The following AKAP13 variants were observed in gnomAD, a reference collection of about 807,000 sequenced individuals.
AKAP13 encodes the protein A-kinase anchoring protein 13.
In AKAP13, 80 loss-of-function variants were observed where a neutral mutation model predicts 264.5. That is an observed-to-expected ratio of 0.30 (90% CI 0.25 to 0.36). The LOEUF (loss-of-function observed/expected upper bound fraction) is 0.36, where lower values mean the gene tolerates loss of function less well. Among genes scored for constraint, AKAP13 ranks in the 10% least tolerant of loss-of-function variants. The pLI, the probability that AKAP13 is intolerant of heterozygous loss-of-function variation, is 1.00. For missense variants in AKAP13, 3,712 were observed against 3,435.2 expected (o/e 1.08, Z -2.01); for synonymous variants, 1,380 against 1,250.2 (o/e 1.10, Z -2.19).
Position 85,730,652 on chromosome 15 carries a change from C to T in AKAP13, c.7227C>T (p.Ser2409=). The T allele has an allele frequency of 6.2e-7, 1 of 1,614,110 alleles. No homozygotes were observed. Among genetic ancestry groups the T allele is most frequent in the Middle Eastern group, 1.6e-4 (1 of 6,062 alleles). The change falls in exon 30 of 37, where the codon TCC becomes TCT. Residue 2409 remains serine (S), a synonymous_variant. Coordinates refer to ENST00000394518, the MANE Select transcript of AKAP13 (RefSeq NM_007200.5). ...ATAGCCCTAGAGTTCTCTTCCGCTC[C>T]AACACAGAAGAGGCTCTCAAAGGAG... ...PTHSPRVLFR[S]NTEEALKGGP... is the part of the protein sequence containing the mutation.
rs373881443 is a variant in AKAP13 at position 85,735,580 on chromosome 15, G to A, written c.7462G>A (p.Asp2488Asn). The change falls in exon 32 of 37, where the codon GAT (aspartate) becomes AAT (asparagine). Residue 2488 changes from aspartate to asparagine, a missense_variant. By Grantham distance (23) the Asp-to-Asn change is conservative. Coordinates refer to ENST00000394518, the MANE Select transcript of AKAP13 (RefSeq NM_007200.5). ...TTTAGGAGGCGAGAAGGAAGAGGGA[G>A]ATGATGGCCAAGATCTTAGGAGAAC... is the stretch of plus-strand genomic sequence containing the variant. ...ASKGGEKEEG[D>N]DGQDLRRTES... 3 of 1,612,262 alleles carry A rather than the reference G, an allele frequency of 1.9e-6. No individual in the cohort carries two copies. In the African/African-American group the frequency reaches 4.0e-5, roughly 22 times the overall value.
chr15:85,578,803 C>A, intron 6 of AKAP13, 127 bp from the exon 7 acceptor site: 1 of 824,366 alleles, frequency 1.2e-6, no homozygotes, highest in Non-Finnish European at 1.9e-6. Flanking sequence ...TTTAGATTCG[C>A]TTATCATGTG....
At chr15:85,430,077 T>G (rs1299084231) in intron 1 of AKAP13, among the ~76,000 whole-genome samples, 2 of 152,252 alleles carry the variant, frequency 1.3e-5, no homozygotes, top group Non-Finnish European at 1.5e-5. Flanking sequence ...GTAGCCTTCA[T>G]TTATTTGCAT....
chr15:85,527,054 A>G (rs1018181358), intron 3 of AKAP13, among the ~76,000 whole-genome samples: 4 of 151,098 alleles, frequency 2.6e-5, no homozygotes, highest in African/African-American at 9.8e-5. Flanking sequence ...TCCTGGGTTC[A>G]GGCCATTCTC....
In AKAP13 at chr15:85,650,786, A is replaced by C. The variant is rs1007631738; in HGVS notation, c.4375-4631A>C. On this transcript the variant is annotated intron_variant, in intron 10 of 36. Transcript: ENST00000394518. The stretch of plus-strand genomic sequence containing the variant: ...AAAAAAAAAAAAAAAAAAAAAAAAA[A>C]AAAACAACAAAAACTGCAATTGCCT... Among the ~76,000 whole-genome samples the C allele has an allele frequency of 9.1e-5, 12 of 132,546 alleles. 1 individual carries two copies. Among genetic ancestry groups the C allele is most frequent in the African/African-American group, 2.5e-4 (9 of 35,512 alleles). 87.0% of individuals were successfully genotyped at this position (132,546 alleles called of 152,430 possible).
chr15:85,699,303 G>A (rs2085762636), intron 17 of AKAP13, among the ~76,000 whole-genome samples: 1 of 151,888 alleles, frequency 6.6e-6, no homozygotes, highest in African/African-American at 2.4e-5. Flanking sequence ...AATTAGCTGG[G>A]CGTGGTGGTG....
At chr15:85,634,325 C>T (rs1361985948) in intron 8 of AKAP13, among the ~76,000 whole-genome samples, 1 of 152,196 alleles carries the variant, frequency 6.6e-6, no homozygotes, top group Non-Finnish European at 1.5e-5. Context: ...AAGATTCTCA[C>T]TAAAGTGATC....
chr15:85,562,143 A>C (rs2078403674), intron 5 of AKAP13, among the ~76,000 whole-genome samples: 1 of 152,224 alleles, frequency 6.6e-6, no homozygotes, highest in Non-Finnish European at 1.5e-5. Context: ...GATGTGTACC[A>C]AATGCACAGT....
chr15:85,457,938 G>A (rs1003884604), intron 1 of AKAP13, among the ~76,000 whole-genome samples: 6 of 151,846 alleles, frequency 4.0e-5, no homozygotes, highest in African/African-American at 1.2e-4. Flanking sequence ...TCACGAAATC[G>A]AGACCAGCCT....
Position 85,690,736 on chromosome 15 carries a change from CT to C in AKAP13, c.5290-2537del, listed in dbSNP as rs1255484054. On this transcript the variant is annotated intron_variant, in intron 16 of 36. Coordinates refer to ENST00000394518, the MANE Select transcript of AKAP13 (RefSeq NM_007200.5). ...CTGTGCTGATCATCTGTTGTGTGACCTTTTGCAAGTCAACCAACCTCTCCAG... is the reference window on the plus strand; with the variant it reads ...CTGTGCTGATCATCTGTTGTGTGACCTTTGCAAGTCAACCAACCTCTCCAG... Among the ~76,000 whole-genome samples, 4 of 152,166 alleles carry C rather than the reference CT, an allele frequency of 2.6e-5. No homozygotes were observed. The East Asian group carries it at 7.7e-4, about 29-fold the overall frequency.
chr15:85,667,598 A>G (rs2151557467), intron 13 of AKAP13, among the ~76,000 whole-genome samples: 1 of 152,370 alleles, frequency 6.6e-6, no homozygotes, highest in Middle Eastern at 3.4e-3. Context: ...GTAAAATACC[A>G]AAATTGTGGA....
intron 16 of AKAP13, among the ~76,000 whole-genome samples, chr15:85,687,037 A>G (rs2084973946): frequency 6.6e-6 from 1 of 152,226 alleles, no homozygotes; most frequent in Non-Finnish European, 1.5e-5. Context: ...GAGTTTTAGG[A>G]CAGAGCAGTG....
At position 85,553,811 on chromosome 15, in the gene AKAP13, A is replaced by G. The variant is rs181790507; in HGVS notation, c.662+9856A>G. ...ACCTGAGCTTGCCTACTGTCCAGTC[A>G]GTGGTGACATTAGATTCTCATAGGA... On this transcript the variant is annotated intron_variant, in intron 5 of 36. Coordinates refer to ENST00000394518, the MANE Select transcript of AKAP13 (RefSeq NM_007200.5). Among the ~76,000 whole-genome samples, 145 of 152,320 alleles carry G rather than the reference A, an allele frequency of 9.5e-4. 1 individual carries two copies. Among genetic ancestry groups the G allele is most frequent in the African/African-American group, 3.4e-3 (143 of 41,580 alleles).
rs200832355 is a variant in AKAP13, at chr15:85,516,928, A to AT, written c.34-4499dup. Among the ~76,000 whole-genome samples, 875 of 152,356 alleles carry AT rather than the reference A, an allele frequency of 5.7e-3. 6 individuals carry two copies. The highest frequency in any genetic ancestry group is 0.02 in the African/African-American group (848 of 41,582). ...CATGGAGAATAGTATGTTGTGGTAA[A>AT]TAATTAGAAAGTGATAAGTTTTGAG... On this transcript the variant is annotated intron_variant, in intron 2 of 36. Transcript: ENST00000394518.
chr15:85,638,797 C>T (rs1055443046), intron 8 of AKAP13, among the ~76,000 whole-genome samples: 2 of 152,020 alleles, frequency 1.3e-5, no homozygotes, highest in Non-Finnish European at 2.9e-5. Context: ...TCTTGCTCCG[C>T]CCAGGCTGGA....
chr15:85,533,219 T>C (rs151088444), intron 3 of AKAP13, among the ~76,000 whole-genome samples: 3 of 152,314 alleles, frequency 2.0e-5, no homozygotes, highest in South Asian at 2.1e-4. Context: ...TATTGGACTT[T>C]CCATCATATG....
intron 1 of AKAP13, among the ~76,000 whole-genome samples, chr15:85,471,764 G>A (rs1232871161): frequency 6.6e-6 from 1 of 152,162 alleles, no homozygotes; most frequent in Admixed American, 6.5e-5. Flanking sequence ...GAATGGGATC[G>A]CATAATAGGT....
At chr15:85,571,812 G>A (rs1019823554) in intron 5 of AKAP13, among the ~76,000 whole-genome samples, 1 of 152,204 alleles carries the variant, frequency 6.6e-6, no homozygotes, top group African/African-American at 2.4e-5. Flanking sequence ...AAATGAGTTT[G>A]GAAGAGTGTC....
Position 85,580,548 on chromosome 15 carries a change from G to T in AKAP13, c.2480G>T (p.Gly827Val). Residue 827 changes from glycine (G) to valine (V), a missense_variant, in exon 7 of 37, where the codon GGC (glycine) becomes GTC (valine). Gly to Val is a moderately radical substitution (Grantham distance 109). This residue lies in a region of AKAP13 where 2,759 missense variants were observed against 2,411.7 expected (regional missense o/e 1.14). Coordinates refer to ENST00000394518, the MANE Select transcript of AKAP13 (RefSeq NM_007200.5). ...ELHTATDYRD[G>V]PDGNSNEPDT... ...CATACAGCTACAGATTATAGAGATGGCCCAGATGGAAATTCGAATGAGCCT... is the reference window on the plus strand; with the variant it reads ...CATACAGCTACAGATTATAGAGATGTCCCAGATGGAAATTCGAATGAGCCT... The T allele has an allele frequency of 6.2e-7, 1 of 1,614,160 alleles. No homozygotes were observed. Among genetic ancestry groups the T allele is most frequent in the Non-Finnish European group, 8.5e-7 (1 of 1,180,030 alleles).
Sources: allele counts gnomAD v4.1 joint callset (sites outside exome capture counted in the v4.1 genomes callset), GRCh38; gene constraint gnomAD v4.1.1; regional missense constraint gnomAD v4.1.1; transcripts MANE v1.5; gene names NCBI Gene and HGNC (gene_info 2026-07-23, HGNC 2026-07-21).